The following DLG2 variants were observed in gnomAD, a reference collection of about 807,000 sequenced individuals.
DLG2 encodes discs large MAGUK scaffold protein 2.
Under a neutral mutation model 132.5 loss-of-function variants are expected in DLG2, and 45 were observed. The observed-to-expected ratio is 0.34, with a 90% CI of 0.27 to 0.44. The LOEUF is 0.44. Ranked by LOEUF, DLG2 falls within the 20% of genes least tolerant of loss-of-function variation. DLG2 has a pLI of 1.00. For missense variants in DLG2, 1,045 were observed against 1,196.9 expected, an observed-to-expected ratio of 0.87 and a Z score of 1.87; for synonymous variants, 424 against 419.6, an observed-to-expected ratio of 1.01 and a Z score of -0.13.
chr11:85,312,771 G>A (rs1243772078), intron 3 of DLG2, among the ~76,000 whole-genome samples: 1 of 151,996 alleles, frequency 6.6e-6, no homozygotes, highest in African/African-American at 2.4e-5. Flanking sequence ...TTCTGTCTAT[G>A]AAGTGTGATG....
At chr11:85,414,112 ACCT>A (rs1565456507) in intron 3 of DLG2, among the ~76,000 whole-genome samples, 1 of 151,408 alleles carries the variant, frequency 6.6e-6, no homozygotes, top group Non-Finnish European at 1.5e-5. Context: ...GAGGCCTTTC[ACCT>A]CCTTGGTTTG....
chr11:84,023,742 A>G (rs1050992650), intron 11 of DLG2, among the ~76,000 whole-genome samples: 1 of 152,138 alleles, frequency 6.6e-6, no homozygotes, highest in Non-Finnish European at 1.5e-5. Context: ...TAAATGCATA[A>G]AATATAGGGA....
At chr11:84,527,888 TCC>T (rs1311743727) in intron 7 of DLG2, among the ~76,000 whole-genome samples, 1 of 137,356 alleles carries the variant, frequency 7.3e-6, no homozygotes, top group Non-Finnish European at 1.6e-5. Context: ...GTTAACTCCC[TCC>T]CTTTCTCTCT....
chr11:84,631,127 G>C (rs909353372), intron 6 of DLG2, among the ~76,000 whole-genome samples: 2 of 145,446 alleles, frequency 1.4e-5, no homozygotes, highest in African/African-American at 5.1e-5. Context: ...GCTGTTGAAT[G>C]GTAAACAAGG....
chr11:84,068,311 G>C (rs1446874552), intron 10 of DLG2, among the ~76,000 whole-genome samples: 1 of 152,208 alleles, frequency 6.6e-6, no homozygotes, highest in Non-Finnish European at 1.5e-5. Flanking sequence ...TCTCCCTTTT[G>C]AGTAAGTAAG....
At chr11:85,141,186 C>G (rs1056002179) in intron 5 of DLG2, among the ~76,000 whole-genome samples, 2 of 151,856 alleles carry the variant, frequency 1.3e-5, no homozygotes, top group Admixed American at 1.3e-4. Flanking sequence ...CTCCCATAAA[C>G]AGTGTATGAG....
intron 6 of DLG2, among the ~76,000 whole-genome samples, chr11:85,095,559 A>T (rs377241907): frequency 6.6e-6 from 1 of 152,032 alleles, no homozygotes; most frequent in Non-Finnish European, 1.5e-5. Context: ...TGAAAAAAAA[A>T]TACTTTCCTT....
intron 7 of DLG2, among the ~76,000 whole-genome samples, chr11:84,261,243 C>G (rs1421393862): frequency 6.6e-6 from 1 of 152,182 alleles, no homozygotes; most frequent in African/African-American, 2.4e-5. Flanking sequence ...CATCCTTCTT[C>G]TCTCTTTTCC....
chr11:85,197,993 G>A (rs534465979), intron 4 of DLG2, among the ~76,000 whole-genome samples: 1 of 152,244 alleles, frequency 6.6e-6, no homozygotes, highest in East Asian at 1.9e-4. Flanking sequence ...CATGTAACAA[G>A]TTAATGAAAT....
At chr11:84,318,460 A>G (rs1207306163) in intron 7 of DLG2, among the ~76,000 whole-genome samples, 2 of 152,232 alleles carry the variant, frequency 1.3e-5, no homozygotes, top group Non-Finnish European at 2.9e-5. Context: ...CTTTATCTGT[A>G]GACCATCAGA....
At chr11:84,554,723 G>A (rs2099408592) in intron 6 of DLG2, among the ~76,000 whole-genome samples, 1 of 152,060 alleles carries the variant, frequency 6.6e-6, no homozygotes, top group Non-Finnish European at 1.5e-5. Flanking sequence ...TCCAGCCTGG[G>A]CAACGAGAGT....
At chr11:84,195,892 C>G (rs534675599) in intron 8 of DLG2, among the ~76,000 whole-genome samples, 1 of 152,232 alleles carries the variant, frequency 6.6e-6, no homozygotes, top group Non-Finnish European at 1.5e-5. Flanking sequence ...TCTGTAAGTG[C>G]AAGGATCATG....
At chr11:85,313,285 T>C (rs1565308625) in intron 3 of DLG2, among the ~76,000 whole-genome samples, 2 of 151,968 alleles carry the variant, frequency 1.3e-5, no homozygotes, top group Non-Finnish European at 2.9e-5. Context: ...AGTCATAAGA[T>C]GAAAAACATT....
intron 3 of DLG2, among the ~76,000 whole-genome samples, chr11:85,486,206 C>CT (rs2093425533): frequency 6.6e-6 from 1 of 151,934 alleles, no homozygotes; most frequent in Non-Finnish European, 1.5e-5. Flanking sequence ...AAGAGGAGAC[C>CT]AGGCACTCCC....
chr11:85,575,415 G>A (rs2078094365), intron 3 of DLG2, among the ~76,000 whole-genome samples: 1 of 151,472 alleles, frequency 6.6e-6, no homozygotes, highest in Admixed American at 6.6e-5. Context: ...GTGCGCCTGT[G>A]GTCCCAGCCA....
At chr11:84,925,376 A>AT (rs2092939261) in intron 6 of DLG2, among the ~76,000 whole-genome samples, 2 of 152,106 alleles carry the variant, frequency 1.3e-5, no homozygotes, top group South Asian at 4.1e-4. Context: ...ATGTGTATAC[A>AT]TTTTTTTAAA....
At chr11:84,316,952 C>A (rs765034535) in intron 7 of DLG2, 8 of 1,612,698 alleles carry the variant, frequency 5.0e-6, no homozygotes, top group Non-Finnish European at 6.8e-6. Context: ...GCTGGACCCC[C>A]CGGTCCTGTT....
intron 8 of DLG2, among the ~76,000 whole-genome samples, chr11:84,218,581 G>A (rs2096871804): frequency 6.6e-6 from 1 of 152,198 alleles, no homozygotes; most frequent in South Asian, 2.1e-4. Flanking sequence ...TCCCTTGTCT[G>A]TGATCTCTTT....
At chr11:84,126,808 C>T (rs1162839642) in intron 9 of DLG2, among the ~76,000 whole-genome samples, 1 of 152,190 alleles carries the variant, frequency 6.6e-6, no homozygotes, top group Non-Finnish European at 1.5e-5. Context: ...ATTTTAGTCT[C>T]TTACCCACTA....
Sources: gnomAD v4.1 joint callset for allele counts (sites outside exome capture counted in the v4.1 genomes callset) on GRCh38, gnomAD v4.1.1 for gene constraint, MANE v1.5 for transcripts, NCBI Gene and HGNC (gene_info 2026-07-23, HGNC 2026-07-21) for gene names.